The following GCNT1 variants were observed in gnomAD, a reference collection of about 807,000 sequenced individuals.
GCNT1 encodes beta-1,3-galactosyl-O-glycosyl-glycoprotein beta-1,6-N-acetylglucosaminyltransferase.
In GCNT1, 16 loss-of-function variants were observed where a neutral mutation model predicts 26.2. The ratio of observed to expected loss-of-function variants is 0.61; its 90% CI spans 0.41 to 0.93. The LOEUF (loss-of-function observed/expected upper bound fraction) is 0.93, where lower values mean the gene tolerates loss of function less well. GCNT1 is among the 40% of genes least tolerant of loss of function. The probability of loss-of-function intolerance (pLI) is 0.00; values close to 1 mark genes in which losing one functional copy is unlikely to be tolerated. For synonymous variants in GCNT1, 183 were observed against 190.8 expected, an observed-to-expected ratio of 0.96 and a Z score of 0.34; for missense variants, 477 against 526.7, an observed-to-expected ratio of 0.91 and a Z score of 0.92.
chr9:76,394,339 T>G, the GCNT1 span: 1 of 563,114 alleles, frequency 1.8e-6, no homozygotes, highest in African/African-American at 2.0e-5. Flanking sequence ...CCACTGCGAA[T>G]CCCTGACGCC....
At chr9:76,457,587 T>G (rs915867361), upstream of GCNT1, among the ~76,000 whole-genome samples, 1 of 152,222 alleles carries the variant, frequency 6.6e-6, no homozygotes, top group Non-Finnish European at 1.5e-5. Context: ...AATTAACATG[T>G]CAGTATTTTA....
the GCNT1 span, among the ~76,000 whole-genome samples, chr9:76,413,988 T>C: frequency 6.6e-6 from 1 of 152,212 alleles, no homozygotes; most frequent in Non-Finnish European, 1.5e-5. Context: ...TGCAATCTAC[T>C]AATAAGCCCA....
chr9:76,440,098 CA>C (rs1269730980), upstream of GCNT1, among the ~76,000 whole-genome samples: 3 of 139,928 alleles, frequency 2.1e-5, no homozygotes, highest in African/African-American at 8.1e-5. Context: ...AATTCCGTCG[CA>C]AAAATAAAAA....
At chr9:76,425,868 G>A (rs184229264) in intron 1 of GCNT1, among the ~76,000 whole-genome samples, 125 of 152,206 alleles carry the variant, frequency 8.2e-4, no homozygotes, top group African/African-American at 2.9e-3. Context: ...TTGAGTGGGG[G>A]CCACAAGATC....
chr9:76,433,715 G>A (rs1341135590), intron 1 of GCNT1, among the ~76,000 whole-genome samples: 1 of 152,232 alleles, frequency 6.6e-6, no homozygotes, highest in Admixed American at 6.5e-5. Context: ...GCTGAGGGAA[G>A]CCTGGGCAGG....
chr9:76,397,308 A>G, the GCNT1 span, among the ~76,000 whole-genome samples: 1 of 131,938 alleles, frequency 7.6e-6, no homozygotes, highest in African/African-American at 2.7e-5. Flanking sequence ...ATAAATAGAT[A>G]GATTTAAAAA....
intron 1 of GCNT1, among the ~76,000 whole-genome samples, chr9:76,427,441 A>G (rs1349420793): frequency 1.3e-5 from 2 of 152,010 alleles, no homozygotes; most frequent in African/African-American, 4.8e-5. Flanking sequence ...CAGCCCCCCA[A>G]AGTGCTGGTA....
At chr9:76,480,758 A>T (rs1824400445) in intron 2 of GCNT1, among the ~76,000 whole-genome samples, 1 of 152,206 alleles carries the variant, frequency 6.6e-6, no homozygotes, top group Non-Finnish European at 1.5e-5. Context: ...ACAAGAAAAA[A>T]ATTCTGTAGA....
At chr9:76,484,069 G>A (rs1587443922) in intron 2 of GCNT1, among the ~76,000 whole-genome samples, 1 of 152,242 alleles carries the variant, frequency 6.6e-6, no homozygotes, top group African/African-American at 2.4e-5. Flanking sequence ...TATATCTATT[G>A]GTATATATTC....
the GCNT1 span, chr9:76,393,998 G>C: frequency 8.2e-7 from 1 of 1,223,104 alleles, no homozygotes; most frequent in East Asian, 2.8e-5. Context: ...GCGGTCCGGA[G>C]GCCCCACGCC....
chr9:76,394,697 G>A, the GCNT1 span, among the ~76,000 whole-genome samples: 1 of 152,200 alleles, frequency 6.6e-6, no homozygotes, highest in East Asian at 1.9e-4. Flanking sequence ...CCCGTTTTCA[G>A]CCTGAGAGCC....
At chr9:76,430,961 C>T (rs530001105) in intron 1 of GCNT1, among the ~76,000 whole-genome samples, 2 of 152,282 alleles carry the variant, frequency 1.3e-5, no homozygotes, top group East Asian at 1.9e-4. Context: ...GCCGGGATTA[C>T]GGGCATGAGC....
At chr9:76,437,861 TG>T (rs1456689615), upstream of GCNT1, among the ~76,000 whole-genome samples, 3 of 152,218 alleles carry the variant, frequency 2.0e-5, no homozygotes, top group Admixed American at 2.0e-4. Context: ...TGTGACACAA[TG>T]GTTTAGCATT....
chr9:76,452,984 A>G (rs1267701445), intron 1 of GCNT1, among the ~76,000 whole-genome samples: 1 of 152,218 alleles, frequency 6.6e-6, no homozygotes, highest in Non-Finnish European at 1.5e-5. Flanking sequence ...TGCCATTACT[A>G]CAAAGCCTGC....
chr9:76,497,200 T>A (rs1308747641), intron 2 of GCNT1, among the ~76,000 whole-genome samples: 2 of 152,216 alleles, frequency 1.3e-5, no homozygotes, highest in Admixed American at 6.5e-5. Context: ...TTGTTAATTA[T>A]TTTGGTATTT....
the GCNT1 span, among the ~76,000 whole-genome samples, chr9:76,395,822 G>T: frequency 6.6e-6 from 1 of 152,118 alleles, no homozygotes; most frequent in Admixed American, 6.5e-5. Flanking sequence ...ATCTGGAGAG[G>T]CTTAAGAGTT....
upstream of GCNT1, among the ~76,000 whole-genome samples, chr9:76,418,024 A>G (rs2131567930): frequency 6.6e-6 from 1 of 152,340 alleles, no homozygotes; most frequent in East Asian, 1.9e-4. Context: ...CATGTGCCCA[A>G]GGTGGTCGGG....
chr9:76,450,824 T>C (rs1166772404), intron 1 of GCNT1, among the ~76,000 whole-genome samples: 1 of 152,254 alleles, frequency 6.6e-6, no homozygotes, highest in African/African-American at 2.4e-5. Context: ...CTTTTAACTT[T>C]GTTTATGATA....
chr9:76,490,105 A>G (rs751667347), intron 2 of GCNT1, among the ~76,000 whole-genome samples: 1 of 152,230 alleles, frequency 6.6e-6, no homozygotes, highest in African/African-American at 2.4e-5. Context: ...AGAGGTTGGT[A>G]TAAGAGTTTG....
Sources: gnomAD v4.1 joint callset for allele counts (sites outside exome capture counted in the v4.1 genomes callset) on GRCh38, gnomAD v4.1.1 for gene constraint, MANE v1.5 for transcripts, NCBI Gene and HGNC (gene_info 2026-07-23, HGNC 2026-07-21) for gene names.